GMIP: variants seen among roughly 807,000 people sequenced by gnomAD.
GMIP encodes the protein GEM interacting protein, also known as GEM-interacting protein.
GMIP carries 54 observed loss-of-function variants against 105.3 expected under a neutral mutation model. That is an observed-to-expected ratio of 0.51 (90% CI 0.41 to 0.64). The LOEUF (loss-of-function observed/expected upper bound fraction) is 0.64, where lower values mean the gene tolerates loss of function less well. Ranked by LOEUF, GMIP falls within the 30% of genes least tolerant of loss-of-function variation. The probability of loss-of-function intolerance (pLI) is 0.00; values close to 1 mark genes in which losing one functional copy is unlikely to be tolerated. For synonymous variants in GMIP, 541 were observed against 560.8 expected, an observed-to-expected ratio of 0.96 and a Z score of 0.50; for missense variants, 1,110 against 1,319.4, an observed-to-expected ratio of 0.84 and a Z score of 2.46.
rs1340565348 is a variant in GMIP, at chr19:19,629,927, A to G, written c.*36T>C. On this transcript the variant is annotated 3_prime_UTR_variant, in exon 21 of 21. Coordinates refer to ENST00000203556, the MANE Select transcript of GMIP (RefSeq NM_016573.4). The stretch of plus-strand genomic sequence containing the variant: ...AGGGATATATGGGTCCGTCTTCACA[A>G]TCTGGGCCTCTTCCTTATTTAAGGT... 1.3e-6 allele frequency: 2 copies of G among 1,588,052 alleles called. No homozygotes were observed. The highest frequency in any genetic ancestry group is 1.1e-5 in the South Asian group (1 of 87,450).
chr19:19,636,914 C>T lies in GMIP; in HGVS notation c.1237+3G>A, dbSNP rs372373340. On this transcript the variant is annotated splice_donor_region_variant and intron_variant, in intron 12 of 20. Coordinates refer to ENST00000203556, the MANE Select transcript of GMIP (RefSeq NM_016573.4). Reference sequence around the variant, plus strand: ...ACTCCCACCTGGCCCTCATTGCACTCACCTTGCCAGCGCCAGCCTGTGCCC... The same window carrying T: ...ACTCCCACCTGGCCCTCATTGCACTTACCTTGCCAGCGCCAGCCTGTGCCC... 234 of 1,574,388 alleles carry T rather than the reference C, an allele frequency of 1.5e-4. 2 individuals carry two copies. The African/African-American group carries it at 2.9e-3, about 19-fold the overall frequency.
At chr19:19,642,151 G>T in intron 2 of GMIP, 100 bp from the exon 3 acceptor site, 1 of 691,524 alleles carries the variant, frequency 1.4e-6, no homozygotes, top group Non-Finnish European at 2.5e-6. Context: ...CATCACCTCT[G>T]TGGCATCTCT....
intron 4 of GMIP, among the ~76,000 whole-genome samples, 169 bp from the exon 5 acceptor site, chr19:19,640,740 GTTTTTTA>G (rs747592634): frequency 3.1e-4 from 47 of 151,988 alleles, no homozygotes; most frequent in Non-Finnish European, 5.7e-4. Context: ...ACTGTTTTTT[GTTTTTTA>G]TTTTTTATTA....
intron 19 of GMIP, among the ~76,000 whole-genome samples, chr19:19,633,470 A>C (rs2061816559): frequency 6.6e-6 from 1 of 152,212 alleles, no homozygotes; most frequent in Non-Finnish European, 1.5e-5. Flanking sequence ...AAACACAGGC[A>C]CTGAGAGGGC....
rs2061877940 is a variant in GMIP, at chr19:19,638,215, C to T, written c.733G>A (p.Gly245Arg). 1 of 1,598,618 alleles carries T rather than the reference C, an allele frequency of 6.3e-7. No homozygotes were observed. Among genetic ancestry groups the T allele is most frequent in the Non-Finnish European group, 8.5e-7 (1 of 1,178,392 alleles). Reference sequence around the variant, plus strand: ...CGCCGCTCCTGCTGCTTGCTAGGTCCCGGCGAGGCCTGGGGGGCCGAGTCC... The same window carrying T: ...CGCCGCTCCTGCTGCTTGCTAGGTCTCGGCGAGGCCTGGGGGGCCGAGTCC... ...PEDSAPQASP[G>R]PSKQQERRRR... Residue 245 changes from glycine to arginine, a missense_variant, in exon 9 of 21, where the codon GGA becomes AGA. By Grantham distance (125) the Gly-to-Arg change is moderately radical. Coordinates refer to ENST00000203556, the MANE Select transcript of GMIP (RefSeq NM_016573.4).
At position 19,635,872 on chromosome 19, in the gene GMIP, G is replaced by A; in HGVS notation, c.1328-151C>T. 1.5e-6 allele frequency: 1 copy of A among 666,630 alleles called. No individual in the cohort carries two copies. The highest frequency in any genetic ancestry group is 1.7e-5 in the South Asian group (1 of 59,258). The allele number at this position is 666,630 out of a possible 1,614,324, so 41.3% of individuals were successfully genotyped here. A position where few individuals can be genotyped will look rare whatever the true frequency, so the allele number is the denominator to read the frequency against. ...GGTTAAGGGTTGGAGAATTGGGTCA[G>A]CAACCTGAGGGGGGTGGTTCATAAG... is the stretch of plus-strand genomic sequence containing the variant. On this transcript the variant is annotated intron_variant, in intron 13 of 20. Coordinates refer to ENST00000203556, the MANE Select transcript of GMIP (RefSeq NM_016573.4). The surrounding 1 kb of genome is among the most constrained non-coding windows in gnomAD (Gnocchi z 4.7).
intron 9 of GMIP, 45 bp downstream of exon 9, chr19:19,638,114 C>T: frequency 6.4e-7 from 1 of 1,556,776 alleles, no homozygotes; most frequent in Non-Finnish European, 8.6e-7. Flanking sequence ...GAGTGGAGGG[C>T]AGGGGGCGCC....
chr19:19,643,575 G>A lies in GMIP; in HGVS notation c.-46C>T, dbSNP rs770325868. ...CTGCAGGGACCGGGATGGGGATGGG[G>A]TCGCGCGCCGGCGGGGCCGAGCCCC... On this transcript the variant is annotated 5_prime_UTR_variant, in exon 1 of 21. Transcript: ENST00000203556. 2.0e-4 allele frequency: 307 copies of A among 1,504,578 alleles called. No individual in the cohort carries two copies. The East Asian group carries it at 2.7e-3, about 13-fold the overall frequency. The allele number at this position is 1,504,578 out of a possible 1,614,324, so 93.2% of individuals were successfully genotyped here.
At chr19:19,643,487 C>G in intron 1 of GMIP, 24 bp downstream of exon 1, 1 of 1,541,494 alleles carries the variant, frequency 6.5e-7, no homozygotes, top group Non-Finnish European at 8.8e-7. Context: ...GGGGGAGGCC[C>G]CTCCCGGATC....
rs1477580906 is a variant in GMIP at position 19,640,552 on chromosome 19, C to T, written c.258G>A (p.Arg86=). 3.2e-5 allele frequency: 51 copies of T among 1,613,830 alleles called. No individual in the cohort carries two copies. The highest frequency in any genetic ancestry group is 4.2e-5 in the Non-Finnish European group (49 of 1,180,002). The change falls in exon 5 of 21, where the codon CGG becomes CGA. Residue 86 remains arginine, a synonymous_variant. Transcript: ENST00000203556. The stretch of plus-strand genomic sequence containing the variant: ...CCACACCCCCCTTTGTCCGAATGAG[C>T]CGCAAGTCCAGTTCCTCCCCTGGGG... The part of the protein sequence containing the change: ...VPLTGEELDL[R]LIRTKGGVDA...
At chr19:19,643,470 G>C (rs374492898) in intron 1 of GMIP, 41 bp downstream of exon 1, 1 of 1,519,882 alleles carries the variant, frequency 6.6e-7, no homozygotes, top group Non-Finnish European at 8.9e-7. Context: ...GGAAGCAGGG[G>C]ATGGTCGGGG....
intron 19 of GMIP, 143 bp downstream of exon 19, chr19:19,633,660 C>T: frequency 1.7e-6 from 1 of 586,884 alleles, no homozygotes; most frequent in Non-Finnish European, 2.7e-6. Flanking sequence ...CTCACTATTC[C>T]TTCCAGAATG....
At position 19,636,987 on chromosome 19, in the gene GMIP, A is replaced by C. The variant is rs772836586; in HGVS notation, c.1167T>G (p.Pro389=). Residue 389 remains proline (P), a synonymous_variant, in exon 12 of 21, where the codon CCT becomes CCG. Transcript: ENST00000203556. ...DIRKKLSGPL[P]PRLDENSAEP... is the part of the protein sequence containing the mutation. ...CAGCTGAATTCTCATCCAGCCTTGG[A>C]GGAAGAGGCCCAGAGAGCTTCTTTC... 3.8e-6 allele frequency: 6 copies of C among 1,582,654 alleles called. No individual in the cohort carries two copies. The highest frequency in any genetic ancestry group is 3.6e-5 in the Admixed American group (2 of 55,428).
Position 19,635,627 on chromosome 19 carries a change from C to T in GMIP, c.1405+17G>A. On this transcript the variant is annotated intron_variant, in intron 14 of 20. Transcript: ENST00000203556. This position sits in a 1 kb window ranked among gnomAD's most constrained non-coding sequence, Gnocchi z 4.7. Reference sequence around the variant, plus strand: ...CCCTGCCCTGTCCCATCCTGACCTACCCTGCTTCAGCCTCACCAGGGTCTC... The same window carrying T: ...CCCTGCCCTGTCCCATCCTGACCTATCCTGCTTCAGCCTCACCAGGGTCTC... 1 of 1,614,004 alleles carries T rather than the reference C, an allele frequency of 6.2e-7. No homozygotes were observed. The highest frequency in any genetic ancestry group is 8.5e-7 in the Non-Finnish European group (1 of 1,179,876).
Position 19,630,144 on chromosome 19 carries a change from C to T in GMIP, c.2732G>A (p.Arg911Gln), listed in dbSNP as rs374915909. The change falls in exon 21 of 21, where the codon CGG (arginine) becomes CAG (glutamine). Residue 911 changes from arginine (R) to glutamine (Q), a missense_variant. Physicochemically the swap from Arg to Gln is conservative, Grantham distance 43. This residue lies in a region of GMIP where 394 missense variants were observed against 450.5 expected (regional missense o/e 0.87). Transcript: ENST00000203556. This position sits in a 1 kb window ranked among gnomAD's most constrained non-coding sequence, Gnocchi z 4.8. ...TSVPRGSLRG[R>Q]GPSPAAASPE... is the part of the protein sequence containing the mutation. ...GGAGGCAGCTGCAGGGCTGGGCCCC[C>T]GCCCCCGCAAACTCCCTCTGGGCAC... is the stretch of plus-strand genomic sequence containing the variant. 1.5e-5 allele frequency: 24 copies of T among 1,603,334 alleles called. No homozygotes were observed. In the African/African-American group the frequency reaches 2.3e-4, roughly 15 times the overall value.
rs1176564742 is a variant in GMIP, at chr19:19,636,797, C to G, written c.1238-1G>C. 1.2e-6 allele frequency: 2 copies of G among 1,609,534 alleles called. No homozygotes were observed. Among genetic ancestry groups the G allele is most frequent in the Non-Finnish European group, 1.7e-6 (2 of 1,177,400 alleles). ...CTGCCCGGAGTGGGGCCTGGAGTCCCTAGGTGGCACAGGTCAATAAGGATG... is the reference window on the plus strand; with the variant it reads ...CTGCCCGGAGTGGGGCCTGGAGTCCGTAGGTGGCACAGGTCAATAAGGATG... On this transcript the variant is annotated splice_acceptor_variant, in intron 12 of 20. Transcript: ENST00000203556. LOFTEE classifies it high-confidence loss of function.
rs553880560 is a variant in GMIP, at chr19:19,629,519, C to A, written c.*444G>T. ...AGAGGCCATCAGACCTCAGGCACCA[C>A]CAGCATGTGGAGTCTGAGCTGCCCA... On this transcript the variant is annotated 3_prime_UTR_variant, in exon 21 of 21. Transcript: ENST00000203556. 5.1e-5 allele frequency: 9 copies of A among 177,754 alleles called. No homozygotes were observed. The highest frequency in any genetic ancestry group is 1.9e-4 in the African/African-American group (8 of 41,970). 11.0% of individuals were successfully genotyped at this position (177,754 alleles called of 1,614,324 possible).
rs376288223 is a variant in GMIP at position 19,634,094 on chromosome 19, T to A, written c.2181A>T (p.Ala727=). 6.2e-7 allele frequency: 1 copy of A among 1,613,000 alleles called. No individual in the cohort carries two copies. Among genetic ancestry groups the A allele is most frequent in the Non-Finnish European group, 8.5e-7 (1 of 1,179,832 alleles). The change falls in exon 19 of 21, where the codon GCA becomes GCT. Residue 727 remains alanine (A), a synonymous_variant. Coordinates refer to ENST00000203556, the MANE Select transcript of GMIP (RefSeq NM_016573.4). The surrounding 1 kb of genome is among the most constrained non-coding windows in gnomAD (Gnocchi z 6.1). ...GGCAGGTGACAGGGATGGCGCTGGC[T>A]GCCCGCGGGCCGTCCGGCGGCCGCA... is the stretch of plus-strand genomic sequence containing the variant. ...TLLRPPDGPR[A]ASAIPVTCLL...
chr19:19,635,686 T>C lies in GMIP; in HGVS notation c.1363A>G (p.Thr455Ala), dbSNP rs777563458. 6.2e-7 allele frequency: 1 copy of C among 1,614,134 alleles called. No individual in the cohort carries two copies. Among genetic ancestry groups the C allele is most frequent in the South Asian group, 1.1e-5 (1 of 91,084 alleles). Residue 455 changes from threonine to alanine, a missense_variant, in exon 14 of 21, where the codon ACA (threonine) becomes GCA (alanine). Around this residue, in one of 3 missense-constraint regions of GMIP, gnomAD observed 667 missense variants for 773.2 expected, o/e 0.86. Transcript: ENST00000203556. The surrounding 1 kb of genome is among the most constrained non-coding windows in gnomAD (Gnocchi z 4.7). ...AAGTCATCTGAGGACTCAGTGCCTG[T>C]GGACGAAGCCTTCACCAGCTGCCTC... is the stretch of plus-strand genomic sequence containing the variant. ...GTRQLVKASS[T>A]GTESSDDFEE...
Sources: allele counts gnomAD v4.1 joint callset (sites outside exome capture counted in the v4.1 genomes callset), GRCh38; gene constraint gnomAD v4.1.1; regional missense constraint gnomAD v4.1.1; non-coding constraint Gnocchi (gnomAD v3.1); transcripts MANE v1.5; gene names NCBI Gene and HGNC (gene_info 2026-07-23, HGNC 2026-07-21).